ZFHX3: variants seen among roughly 807,000 people sequenced by gnomAD.
ZFHX3 encodes the protein zinc finger homeobox protein 3.
Under a neutral mutation model 279.1 loss-of-function variants are expected in ZFHX3, and 42 were observed. The ratio of observed to expected loss-of-function variants is 0.15; its 90% CI spans 0.12 to 0.19. The LOEUF (loss-of-function observed/expected upper bound fraction) is 0.19. Among genes scored for constraint, ZFHX3 ranks in the 10% least tolerant of loss-of-function variants. The pLI is 1.00. For synonymous variants in ZFHX3, 2,293 were observed against 1,957.8 expected (o/e 1.17, Z -4.52); for missense variants, 4,981 against 4,754.0 (o/e 1.05, Z -1.40).
At chr16:73,146,246 G>A (rs1193407063) in intron 5 of ZFHX3, among the ~76,000 whole-genome samples, 2 of 152,098 alleles carry the variant, frequency 1.3e-5, no homozygotes, top group Admixed American at 6.6e-5. Flanking sequence ...TGGCCAACAT[G>A]GTGAAACCCC....
chr16:73,219,101 C>A (rs1225214191), intron 5 of ZFHX3, among the ~76,000 whole-genome samples: 1 of 152,194 alleles, frequency 6.6e-6, no homozygotes, highest in Non-Finnish European at 1.5e-5. Context: ...AAGGTTCATT[C>A]GTATTGAAGC....
intron 3 of ZFHX3, among the ~76,000 whole-genome samples, chr16:73,341,066 G>T (rs1289908917): frequency 6.6e-6 from 1 of 152,186 alleles, no homozygotes; most frequent in Non-Finnish European, 1.5e-5. Flanking sequence ...GAGGGAGCCG[G>T]ATGCGGTGGC....
chr16:73,878,356 G>A (rs977847407), intron 1 of ZFHX3, among the ~76,000 whole-genome samples: 1 of 152,070 alleles, frequency 6.6e-6, no homozygotes, highest in Non-Finnish European at 1.5e-5. Flanking sequence ...AGTTAATAAA[G>A]AAGATGCAAA....
chr16:72,968,274 G>T (rs1961942346), intron 1 of ZFHX3, among the ~76,000 whole-genome samples: 1 of 152,042 alleles, frequency 6.6e-6, no homozygotes, highest in Non-Finnish European at 1.5e-5. Context: ...GAAATGTCAG[G>T]GCCATGCAAC....
intron 4 of ZFHX3, among the ~76,000 whole-genome samples, chr16:72,859,006 G>A (rs901473370): frequency 3.9e-5 from 6 of 152,334 alleles, no homozygotes; most frequent in East Asian, 3.9e-4. Flanking sequence ...CAGCCAGGCC[G>A]GACTGGCCAG....
At chr16:73,835,687 T>C (rs1321365141) in intron 1 of ZFHX3, among the ~76,000 whole-genome samples, 27 of 152,028 alleles carry the variant, frequency 1.8e-4, no homozygotes, top group African/African-American at 4.8e-5. Context: ...GTCAGGCTTG[T>C]GTTGAACTCC....
chr16:73,497,559 A>C (rs1356746245), intron 2 of ZFHX3, among the ~76,000 whole-genome samples: 1 of 152,114 alleles, frequency 6.6e-6, no homozygotes, highest in Non-Finnish European at 1.5e-5. Context: ...AGTCCCAGCC[A>C]CTCAGGAGGC....
chr16:72,985,020 C>T (rs754373270), intron 1 of ZFHX3, among the ~76,000 whole-genome samples: 2 of 151,994 alleles, frequency 1.3e-5, no homozygotes, highest in Admixed American at 6.6e-5. Flanking sequence ...ACACACGTAC[C>T]CCTACCACCA....
chr16:73,647,950 A>T (rs1331112698), intron 2 of ZFHX3, among the ~76,000 whole-genome samples: 1 of 152,220 alleles, frequency 6.6e-6, no homozygotes, highest in African/African-American at 2.4e-5. Flanking sequence ...AATACAACTG[A>T]TGCATAAACA....
chr16:73,020,880 C>T (rs1034968133), intron 1 of ZFHX3, among the ~76,000 whole-genome samples: 2 of 152,060 alleles, frequency 1.3e-5, no homozygotes, highest in Non-Finnish European at 1.5e-5. Flanking sequence ...CAATACTCTT[C>T]CATAGGGGTT....
At chr16:73,668,828 G>C (rs781504212) in intron 2 of ZFHX3, among the ~76,000 whole-genome samples, 3 of 152,086 alleles carry the variant, frequency 2.0e-5, no homozygotes, top group Non-Finnish European at 2.9e-5. Flanking sequence ...ATCATCACTG[G>C]TCGTTAGAGA....
intron 2 of ZFHX3, among the ~76,000 whole-genome samples, chr16:73,579,860 A>ATATATATATATATG (rs1228584288): frequency 1.5e-5 from 2 of 134,346 alleles, no homozygotes; most frequent in Admixed American, 7.1e-5. Context: ...CAGATTATAT[A>ATATATATATATATG]TATATATATA....
chr16:73,200,373 T>C (rs1422504180), intron 5 of ZFHX3, among the ~76,000 whole-genome samples: 1 of 152,230 alleles, frequency 6.6e-6, no homozygotes, highest in Admixed American at 6.5e-5. Context: ...TTTTATTTTA[T>C]ATATTTAGAA....
chr16:73,866,242 C>T (rs1369562140), intron 1 of ZFHX3, among the ~76,000 whole-genome samples: 5 of 131,916 alleles, frequency 3.8e-5, no homozygotes, highest in East Asian at 2.4e-4. Flanking sequence ...TGCAGTGGTA[C>T]GATCTCGGCT....
intron 1 of ZFHX3, among the ~76,000 whole-genome samples, chr16:72,964,240 T>A (rs1365619652): frequency 6.6e-6 from 1 of 152,122 alleles, no homozygotes; most frequent in Non-Finnish European, 1.5e-5. Flanking sequence ...AAGCAATGCA[T>A]GGAGATTTAA....
chr16:73,885,049 C>G (rs1436860368), intron 1 of ZFHX3, among the ~76,000 whole-genome samples: 3 of 152,014 alleles, frequency 2.0e-5, no homozygotes, highest in Non-Finnish European at 2.9e-5. Flanking sequence ...TTTCTTTCCC[C>G]CCACCCAGAC....
intron 5 of ZFHX3, among the ~76,000 whole-genome samples, chr16:73,242,231 G>A (rs1192434283): frequency 1.3e-5 from 2 of 152,126 alleles, no homozygotes; most frequent in Admixed American, 1.3e-4. Context: ...CACAAAGGTA[G>A]TCAGGGCAGA....
At chr16:72,871,267 C>G (rs1442167361) in intron 4 of ZFHX3, among the ~76,000 whole-genome samples, 1 of 151,856 alleles carries the variant, frequency 6.6e-6, no homozygotes, top group Non-Finnish European at 1.5e-5. Flanking sequence ...CCTCTGCCTG[C>G]CAGGTTCAAG....
At chr16:73,559,695 G>A (rs1428764357) in intron 2 of ZFHX3, among the ~76,000 whole-genome samples, 3 of 152,108 alleles carry the variant, frequency 2.0e-5, no homozygotes, top group African/African-American at 4.8e-5. Context: ...CATAGAAGAC[G>A]ACACGGCAGA....
Sources: allele counts gnomAD v4.1 joint callset (sites outside exome capture counted in the v4.1 genomes callset), GRCh38; gene constraint gnomAD v4.1.1; transcripts MANE v1.5; gene names NCBI Gene and HGNC (gene_info 2026-07-23, HGNC 2026-07-21).